RIMS4: variants seen among roughly 807,000 people sequenced by gnomAD.
RIMS4 encodes regulating synaptic membrane exocytosis protein 4.
A neutral mutation model predicts 29.0 loss-of-function variants in RIMS4; 9 were observed. The observed-to-expected ratio is 0.31, with a 90% CI of 0.19 to 0.54. The LOEUF (loss-of-function observed/expected upper bound fraction) is 0.54, where lower values mean the gene tolerates loss of function less well. RIMS4 is among the 20% of genes least tolerant of loss of function. The pLI, the probability that RIMS4 is intolerant of heterozygous loss-of-function variation, is 0.94. For synonymous variants in RIMS4, 130 were observed against 152.9 expected (o/e 0.85, Z 1.10); for missense variants, 193 against 365.7 (o/e 0.53, Z 3.85).
chr20:44,795,002 C>T (rs1337107115), intron 1 of RIMS4, among the ~76,000 whole-genome samples: 1 of 152,214 alleles, frequency 6.6e-6, no homozygotes, highest in Non-Finnish European at 1.5e-5. Flanking sequence ...AGCCCAAGAG[C>T]CTCACCTTTA....
chr20:44,785,996 C>T (rs1163586683), intron 1 of RIMS4, among the ~76,000 whole-genome samples: 4 of 152,140 alleles, frequency 2.6e-5, no homozygotes, highest in African/African-American at 4.8e-5. Context: ...TGTGACATTC[C>T]ACACAGCTCA....
At chr20:44,802,684 A>AG (rs1206961369) in intron 1 of RIMS4, among the ~76,000 whole-genome samples, 1 of 152,206 alleles carries the variant, frequency 6.6e-6, no homozygotes, top group Non-Finnish European at 1.5e-5. Context: ...ACAGGGATTC[A>AG]GGGGGCATGA....
At chr20:44,797,688 G>C (rs1233223697) in intron 1 of RIMS4, among the ~76,000 whole-genome samples, 5 of 152,200 alleles carry the variant, frequency 3.3e-5, no homozygotes, top group African/African-American at 1.2e-4. Flanking sequence ...AGCAGGGCAA[G>C]TGTCATCATG....
At chr20:44,796,472 C>T (rs894133577) in intron 1 of RIMS4, among the ~76,000 whole-genome samples, 1 of 152,170 alleles carries the variant, frequency 6.6e-6, no homozygotes, top group East Asian at 1.9e-4. Context: ...GGATTCAACT[C>T]TGCCTTTCCC....
At chr20:44,790,033 C>T (rs915909014) in intron 1 of RIMS4, among the ~76,000 whole-genome samples, 9 of 152,362 alleles carry the variant, frequency 5.9e-5, no homozygotes, top group African/African-American at 2.2e-4. Flanking sequence ...CTGTGGTCCC[C>T]AGGTGGGACA....
At position 44,756,500 on chromosome 20, in the gene RIMS4, T is replaced by A; in HGVS notation, c.592-148A>T. On this transcript the variant is annotated intron_variant, in intron 5 of 5. Coordinates refer to ENST00000372851, the MANE Select transcript of RIMS4 (RefSeq NM_182970.4). The surrounding 1 kb of genome is among the most constrained non-coding windows in gnomAD (Gnocchi z 5.9). ...GCAATTCCTCAACAGGCCTTTCTTA[T>A]CACGGGGCATCACACCAAGCCCCTG... is the stretch of plus-strand genomic sequence containing the variant. 1.5e-6 allele frequency: 1 copy of A among 656,674 alleles called. No homozygotes were observed. The highest frequency in any genetic ancestry group is 1.8e-5 in the South Asian group (1 of 55,302). The allele number at this position is 656,674 out of a possible 1,614,324, so 40.7% of individuals were successfully genotyped here. A position where few individuals can be genotyped will look rare whatever the true frequency, so the allele number is the denominator to read the frequency against.
At chr20:44,764,150 T>C (rs7264668) in intron 2 of RIMS4, among the ~76,000 whole-genome samples, 107 of 13,470 alleles carry the variant, frequency 7.9e-3, no homozygotes, top group Admixed American at 0.012. Context: ...ATGCATCCAT[T>C]TATCCATCCA....
At chr20:44,782,848 C>G (rs2066190737) in intron 1 of RIMS4, among the ~76,000 whole-genome samples, 1 of 152,228 alleles carries the variant, frequency 6.6e-6, no homozygotes, top group African/African-American at 2.4e-5. Context: ...TCCACAAACA[C>G]TGGAAAGAGA....
rs1413992864 is a variant in RIMS4 at position 44,756,009 on chromosome 20, C to T, written c.*125G>A. 1.3e-5 allele frequency: 10 copies of T among 786,204 alleles called. No homozygotes were observed. The South Asian group carries it at 1.4e-4, about 11-fold the overall frequency. The allele number at this position is 786,204 out of a possible 1,614,324, so 48.7% of individuals were successfully genotyped here. A position where few individuals can be genotyped will look rare whatever the true frequency, so the allele number is the denominator to read the frequency against. On this transcript the variant is annotated 3_prime_UTR_variant, in exon 6 of 6. Coordinates refer to ENST00000372851, the MANE Select transcript of RIMS4 (RefSeq NM_182970.4). The surrounding 1 kb of genome is among the most constrained non-coding windows in gnomAD (Gnocchi z 5.9). ...GGGCCCAAGGGGGGGCAGGTCTCCC[C>T]GTTCTGCTTCCCCACTGTGGGGGAG...
At chr20:44,779,369 C>T (rs923904251) in intron 1 of RIMS4, among the ~76,000 whole-genome samples, 7 of 152,324 alleles carry the variant, frequency 4.6e-5, no homozygotes, top group Admixed American at 4.6e-4. Flanking sequence ...AGAACATTAC[C>T]AGTGCCCTAC....
At chr20:44,801,872 G>GTCCTGGCTAACAAGGT (rs2066278853) in intron 1 of RIMS4, among the ~76,000 whole-genome samples, 1 of 152,124 alleles carries the variant, frequency 6.6e-6, no homozygotes, top group Non-Finnish European at 1.5e-5. Context: ...TAAGACATCA[G>GTCCTGGCTAACAAGGT]GAGCCAGGAG....
rs576363528 is a variant in RIMS4, at chr20:44,777,057, G to A, written c.98-5644C>T. Reference sequence around the variant, plus strand: ...AGACGTCCCTCATCAGACTCCTTGAGTCCCGGGGCACTTCAATCTTCACTT... The same window carrying A: ...AGACGTCCCTCATCAGACTCCTTGAATCCCGGGGCACTTCAATCTTCACTT... On this transcript the variant is annotated intron_variant, in intron 1 of 5. Coordinates refer to ENST00000372851, the MANE Select transcript of RIMS4 (RefSeq NM_182970.4). 6.6e-5 allele frequency among the ~76,000 whole-genome samples: 10 copies of A among 152,298 alleles called. No individual in the cohort carries two copies. The East Asian group carries it at 1.9e-3, about 29-fold the overall frequency.
chr20:44,782,478 T>C (rs1001295261), intron 1 of RIMS4, among the ~76,000 whole-genome samples: 2 of 152,122 alleles, frequency 1.3e-5, no homozygotes, highest in East Asian at 1.9e-4. Flanking sequence ...GGTTTCACCA[T>C]GTTGGCCAGT....
Position 44,787,342 on chromosome 20 carries a change from A to C in RIMS4, c.98-15929T>G, listed in dbSNP as rs2066213345. Among the ~76,000 whole-genome samples the C allele has an allele frequency of 2.0e-5, 3 of 152,334 alleles. No homozygotes were observed. In the South Asian group the frequency reaches 6.2e-4, roughly 32 times the overall value. ...AATGACAATGACGATGTGATGATAA[A>C]AGCAGCTAGCATTCATTGGGCACGG... On this transcript the variant is annotated intron_variant, in intron 1 of 5. Transcript: ENST00000372851.
chr20:44,783,640 A>C (rs1466451568), intron 1 of RIMS4, among the ~76,000 whole-genome samples: 7 of 151,732 alleles, frequency 4.6e-5, no homozygotes, highest in African/African-American at 1.5e-4. Flanking sequence ...CAAAAACAAA[A>C]ACAAAAAAAA....
At position 44,757,706 on chromosome 20, in the gene RIMS4, C is replaced by T; in HGVS notation, c.415G>A (p.Gly139Arg). 6.2e-7 allele frequency: 1 copy of T among 1,614,160 alleles called. No homozygotes were observed. The highest frequency in any genetic ancestry group is 8.5e-7 in the Non-Finnish European group (1 of 1,180,014). Reference protein sequence around the residue: ...QLEVDIIQARGLTAKPGSKTL... With the variant: ...QLEVDIIQARRLTAKPGSKTL... ...TTGGAGCCTGGCTTGGCTGTCAGTC[C>T]CCGAGCCTGGATAATGTCCACCTCC... Residue 139 changes from glycine (G) to arginine (R), a missense_variant, in exon 4 of 6, where the codon GGA (glycine) becomes AGA (arginine). By Grantham distance (125) the Gly-to-Arg change is moderately radical. Transcript: ENST00000372851.
At position 44,757,025 on chromosome 20, in the gene RIMS4, T is replaced by C; in HGVS notation, c.464A>G (p.Lys155Arg). The change falls in exon 5 of 6, where the codon AAG (lysine) becomes AGG (arginine). Residue 155 changes from lysine (K) to arginine (R), a missense_variant. Physicochemically the swap from Lys to Arg is conservative, Grantham distance 26. Transcript: ENST00000372851. ...GATGCCATTCTCTAGCAGGTAGGCC[T>C]TGATGTAGGCCGCTGGGGATAGAGG... ...GSKTLPAAYI[K>R]AYLLENGICI... 1 of 1,613,848 alleles carries C rather than the reference T, an allele frequency of 6.2e-7. No homozygotes were observed. The highest frequency in any genetic ancestry group is 8.5e-7 in the Non-Finnish European group (1 of 1,179,838).
At chr20:44,777,449 C>T (rs557338916) in intron 1 of RIMS4, among the ~76,000 whole-genome samples, 1 of 152,180 alleles carries the variant, frequency 6.6e-6, no homozygotes, top group South Asian at 2.1e-4. Context: ...GTACCATGTA[C>T]AAATTATATA....
intron 1 of RIMS4, among the ~76,000 whole-genome samples, chr20:44,788,505 G>A (rs907943423): frequency 5.3e-5 from 8 of 152,168 alleles, no homozygotes; most frequent in Non-Finnish European, 1.0e-4. Flanking sequence ...GGGTGCAGTG[G>A]TCCATACTTA....
Sources: allele counts gnomAD v4.1 joint callset (sites outside exome capture counted in the v4.1 genomes callset), GRCh38; gene constraint gnomAD v4.1.1; non-coding constraint Gnocchi (gnomAD v3.1); transcripts MANE v1.5; gene names NCBI Gene and HGNC (gene_info 2026-07-23, HGNC 2026-07-21).